The following COL24A1 variants were observed in gnomAD, a reference collection of about 807,000 sequenced individuals.
COL24A1 encodes collagen alpha-1(XXIV) chain.
In COL24A1, 224 loss-of-function variants were observed where a neutral mutation model predicts 253.9. The ratio of observed to expected loss-of-function variants is 0.88; its 90% CI spans 0.79 to 0.99. The LOEUF (loss-of-function observed/expected upper bound fraction) is 0.99, where lower values mean the gene tolerates loss of function less well. COL24A1 is among the 50% of genes least tolerant of loss of function. The pLI, the probability that COL24A1 is intolerant of heterozygous loss-of-function variation, is 0.00. For missense variants in COL24A1, 2,131 were observed against 2,068.5 expected (o/e 1.03, Z -0.59); for synonymous variants, 685 against 673.7 (o/e 1.02, Z -0.26).
chr1:85,838,954 C>T lies in COL24A1; in HGVS notation c.3628-316G>A, dbSNP rs143601936. ...GTGGCTCACACCTGTAGTCCCAGCA[C>T]GTTGGGAGGCTGAGGCAGGAGGATC... On this transcript the variant is annotated intron_variant, in intron 42 of 59. Coordinates refer to ENST00000370571, the MANE Select transcript of COL24A1 (RefSeq NM_152890.7). Among the ~76,000 whole-genome samples, 3 of 152,244 alleles carry T rather than the reference C, an allele frequency of 2.0e-5. No homozygotes were observed. In the East Asian group the frequency reaches 5.8e-4, roughly 29 times the overall value.
In COL24A1 at chr1:85,954,608, A is replaced by G. The variant is rs1179087120; in HGVS notation, c.2562+6641T>C. On this transcript the variant is annotated intron_variant, in intron 24 of 59. Transcript: ENST00000370571. ...TATGCAAAGTATCTGGCATATTATC[A>G]GTTCTCAATAAATGGTAGCTATTTT... 3.3e-5 allele frequency among the ~76,000 whole-genome samples: 5 copies of G among 152,320 alleles called. No homozygotes were observed. In the South Asian group the frequency reaches 6.2e-4, roughly 19 times the overall value.
intron 32 of COL24A1, among the ~76,000 whole-genome samples, chr1:85,879,867 C>T (rs969920351): frequency 6.6e-6 from 1 of 152,072 alleles, no homozygotes; most frequent in Non-Finnish European, 1.5e-5. Flanking sequence ...CAGTTCAAAC[C>T]CGTGTTGTTC....
Position 85,831,768 on chromosome 1 carries a change from T to C in COL24A1, c.3681+6817A>G, listed in dbSNP as rs186175964. On this transcript the variant is annotated intron_variant, in intron 43 of 59. Coordinates refer to ENST00000370571, the MANE Select transcript of COL24A1 (RefSeq NM_152890.7). ...CTGGCAGAGGCAATAGCATGGGAAA[T>C]AAAGGGATGCATCTGACAGAACATG... 1.3e-4 allele frequency among the ~76,000 whole-genome samples: 19 copies of C among 151,914 alleles called. No homozygotes were observed. In the East Asian group the frequency reaches 3.3e-3, roughly 26 times the overall value.
chr1:86,070,848 T>C (rs1422385947), intron 7 of COL24A1, among the ~76,000 whole-genome samples: 2 of 150,390 alleles, frequency 1.3e-5, no homozygotes, highest in Non-Finnish European at 3.0e-5. Context: ...AGTCATTCAA[T>C]CAGAAAAAAA....
At chr1:85,917,062 T>A (rs932942659) in intron 24 of COL24A1, among the ~76,000 whole-genome samples, 3 of 152,140 alleles carry the variant, frequency 2.0e-5, no homozygotes, top group Non-Finnish European at 2.9e-5. Flanking sequence ...GAATGACCAA[T>A]ACTGAGAAAT....
chr1:85,766,368 C>CAAAAAAAAAAAAAA (rs1319642983), intron 53 of COL24A1, among the ~76,000 whole-genome samples: 2 of 66,286 alleles, frequency 3.0e-5, no homozygotes, highest in African/African-American at 1.3e-4. Flanking sequence ...GACTCTGTCT[C>CAAAAAAAAAAAAAA]AAAAAAAAAA....
intron 57 of COL24A1, among the ~76,000 whole-genome samples, chr1:85,741,114 G>C (rs1476247803): frequency 1.4e-5 from 2 of 145,222 alleles, no homozygotes; most frequent in African/African-American, 5.1e-5. Flanking sequence ...GTGAAACTCT[G>C]CCTCAAAAAA....
chr1:85,923,427 A>T (rs975505161), intron 24 of COL24A1, among the ~76,000 whole-genome samples: 7 of 152,180 alleles, frequency 4.6e-5, no homozygotes, highest in Non-Finnish European at 7.4e-5. Context: ...GAAGTAAAGC[A>T]CTCCTCAGCA....
intron 42 of COL24A1, 143 bp downstream of exon 42, chr1:85,841,079 A>G (rs1417130384): frequency 1.2e-5 from 7 of 600,028 alleles, no homozygotes; most frequent in African/African-American, 2.0e-5. Context: ...AAATTTTGTG[A>G]CCATAAATAT....
At chr1:85,902,905 C>T (rs148816535) in intron 28 of COL24A1, among the ~76,000 whole-genome samples, 1 of 152,198 alleles carries the variant, frequency 6.6e-6, no homozygotes, top group East Asian at 1.9e-4. Context: ...GAAGAGTGGA[C>T]TTGAAATGTT....
intron 19 of COL24A1, among the ~76,000 whole-genome samples, chr1:85,998,357 T>C (rs1426725736): frequency 6.6e-6 from 1 of 152,236 alleles, no homozygotes; most frequent in East Asian, 1.9e-4. Context: ...ATATGATCTA[T>C]GAAAACTTTC....
chr1:85,778,562 C>T (rs1436484231), intron 52 of COL24A1, among the ~76,000 whole-genome samples: 1 of 151,900 alleles, frequency 6.6e-6, no homozygotes, highest in African/African-American at 2.4e-5. Flanking sequence ...TACAGGTCTC[C>T]CCAATCCTTA....
intron 43 of COL24A1, among the ~76,000 whole-genome samples, chr1:85,835,200 ACCTCTG>A (rs149535934): frequency 4.6e-4 from 69 of 151,366 alleles, no homozygotes; most frequent in East Asian, 5.8e-4. Flanking sequence ...GCTCACTGCA[ACCTCTG>A]CCTCTGCCTC....
At chr1:86,087,660 C>T (rs1046739725) in intron 7 of COL24A1, among the ~76,000 whole-genome samples, 2 of 152,148 alleles carry the variant, frequency 1.3e-5, no homozygotes, top group African/African-American at 4.8e-5. Flanking sequence ...TTAATATCAA[C>T]TAAAGTAATT....
intron 2 of COL24A1, among the ~76,000 whole-genome samples, chr1:86,130,784 C>T (rs1351505257): frequency 6.6e-6 from 1 of 151,966 alleles, no homozygotes; most frequent in Non-Finnish European, 1.5e-5. Flanking sequence ...CCTCTCTTCT[C>T]CTACCATTTT....
intron 59 of COL24A1, among the ~76,000 whole-genome samples, chr1:85,732,138 C>T (rs915280588): frequency 3.3e-5 from 5 of 152,072 alleles, no homozygotes; most frequent in African/African-American, 1.2e-4. Context: ...CACAGGCTTG[C>T]GAGGATTAAA....
At chr1:86,078,012 G>A (rs1217057310) in intron 7 of COL24A1, among the ~76,000 whole-genome samples, 2 of 151,856 alleles carry the variant, frequency 1.3e-5, no homozygotes, top group Non-Finnish European at 2.9e-5. Flanking sequence ...GAAAACTGCA[G>A]GCCAATATCT....
At chr1:85,831,472 T>G (rs1675273950) in intron 43 of COL24A1, among the ~76,000 whole-genome samples, 1 of 152,104 alleles carries the variant, frequency 6.6e-6, no homozygotes, top group Non-Finnish European at 1.5e-5. Context: ...AAGACAAACC[T>G]GCATTCTAAG....
intron 24 of COL24A1, among the ~76,000 whole-genome samples, chr1:85,914,704 TC>T (rs989986956): frequency 5.9e-5 from 9 of 152,170 alleles, no homozygotes; most frequent in African/African-American, 2.2e-4. Context: ...CATTTCTTTA[TC>T]ATATAACATA....
Sources: allele counts gnomAD v4.1 joint callset (sites outside exome capture counted in the v4.1 genomes callset), GRCh38; gene constraint gnomAD v4.1.1; transcripts MANE v1.5; gene names NCBI Gene and HGNC (gene_info 2026-07-23, HGNC 2026-07-21).